Variants in RXYLT1 observed in about 807,000 individuals in gnomAD.
RXYLT1 encodes the protein ribitol-5-phosphate xylosyltransferase 1.
In RXYLT1, 41 loss-of-function variants were observed where a neutral mutation model predicts 43.5. That is an observed-to-expected ratio of 0.94 (90% CI 0.73 to 1.22). The LOEUF (loss-of-function observed/expected upper bound fraction) is 1.22, where lower values mean the gene tolerates loss of function less well. Ranked by LOEUF, RXYLT1 falls within the 50% of genes most tolerant of loss-of-function variation. The pLI, the probability that RXYLT1 is intolerant of heterozygous loss-of-function variation, is 0.00. For synonymous variants in RXYLT1, 166 were observed against 194.4 expected (o/e 0.85, Z 1.21); for missense variants, 514 against 532.0 (o/e 0.97, Z 0.33).
intron 3 of RXYLT1, among the ~76,000 whole-genome samples, chr12:63,797,629 G>C (rs1022519561): frequency 6.6e-6 from 1 of 152,216 alleles, no homozygotes; most frequent in Non-Finnish European, 1.5e-5. Context: ...GGTGGGCCTT[G>C]TATGTACCAC....
rs1898178417 is a variant in RXYLT1 at position 63,802,255 on chromosome 12, T to C, written c.593T>C (p.Val198Ala). The C allele has an allele frequency of 1.2e-6, 2 of 1,614,114 alleles. No individual in the cohort carries two copies. The highest frequency in any genetic ancestry group is 1.7e-6 in the Non-Finnish European group (2 of 1,180,018). ...VQIQKLQHLA[V>A]VLLGNEHCDN... ...ATTCAAAAACTCCAGCATCTTGCTG[T>C]TGTTTTGCTCGGAAATGAACATTGT... Residue 198 changes from valine to alanine, a missense_variant, in exon 4 of 6, where the codon GTT becomes GCT. Transcript: ENST00000261234.
chr12:63,794,208 G>A, intron 3 of RXYLT1, among the ~76,000 whole-genome samples: 1 of 152,258 alleles, frequency 6.6e-6, no homozygotes, highest in South Asian at 2.1e-4. Context: ...TGGAGGTCTA[G>A]CCCTTACTCC....
At chr12:63,807,274 C>T (rs560142060) in intron 5 of RXYLT1, 1 of 152,366 alleles carries the variant, frequency 6.6e-6, no homozygotes, top group Admixed American at 6.5e-5. Context: ...TCCCTAATTC[C>T]CTAATCTGGC....
intron 1 of RXYLT1, 57 bp downstream of exon 1, chr12:63,780,186 G>C (rs1010001646): frequency 5.0e-6 from 7 of 1,401,678 alleles, no homozygotes; most frequent in Non-Finnish European, 6.4e-6. Flanking sequence ...GGGCTGCTGG[G>C]CGGCTGGGGC....
At chr12:63,786,360 T>C (rs142661417) in intron 3 of RXYLT1, among the ~76,000 whole-genome samples, 3 of 152,306 alleles carry the variant, frequency 2.0e-5, no homozygotes, top group African/African-American at 7.2e-5. Context: ...ACAGGCATCC[T>C]CTAGAGATAC....
intron 3 of RXYLT1, among the ~76,000 whole-genome samples, chr12:63,794,513 C>T (rs754986856): frequency 1.2e-4 from 19 of 152,310 alleles, no homozygotes; most frequent in Middle Eastern, 3.4e-3. Context: ...TTAATTTCTC[C>T]TTTCCTCCTT....
In RXYLT1 at chr12:63,802,110, G is replaced by C; in HGVS notation, c.448G>C (p.Val150Leu). 1.2e-6 allele frequency: 2 copies of C among 1,602,824 alleles called. No homozygotes were observed. Among genetic ancestry groups the C allele is most frequent in the Non-Finnish European group, 1.7e-6 (2 of 1,173,988 alleles). ...TQYSFITGPAVIPGYFSVDVN... is the reference protein window; with the variant it reads ...TQYSFITGPALIPGYFSVDVN... The stretch of plus-strand genomic sequence containing the variant: ...TAACAGCTTCATCACTGGTCCAGCT[G>C]TAATACCAGGGTACTTCTCCGTTGA... Residue 150 changes from valine (V) to leucine (L), a missense_variant, in exon 4 of 6, where the codon GTA becomes CTA. Physicochemically the swap from Val to Leu is conservative, Grantham distance 32 (BLOSUM62 1). Coordinates refer to ENST00000261234, the MANE Select transcript of RXYLT1 (RefSeq NM_014254.3).
chr12:63,780,196 C>T (rs1394611273), intron 1 of RXYLT1, 67 bp downstream of exon 1: 2 of 1,395,580 alleles, frequency 1.4e-6, no homozygotes, highest in East Asian at 2.9e-5. Context: ...GCGGCTGGGG[C>T]CGGGTCCCCG....
chr12:63,799,498 G>T (rs891363380), intron 3 of RXYLT1, among the ~76,000 whole-genome samples: 1 of 151,530 alleles, frequency 6.6e-6, no homozygotes, highest in Non-Finnish European at 1.5e-5. Context: ...ACCATATTGT[G>T]TAGGCTGGTC....
Position 63,780,095 on chromosome 12 carries a change from G to C in RXYLT1, c.135G>C (p.Lys45Asn). ...APAGSPRGLR[K>N]GAAPARERRG... ...CCGGGTCCCCGCGGGGCCTCAGGAA[G>C]GGGGCGGCCCCCGCGCGGGAGAGAC... Residue 45 changes from lysine to asparagine, a missense_variant, in exon 1 of 6, where the codon AAG becomes AAC. Physicochemically the swap from Lys to Asn is moderately conservative, Grantham distance 94 (BLOSUM62 0). Coordinates refer to ENST00000261234, the MANE Select transcript of RXYLT1 (RefSeq NM_014254.3). 1.9e-6 allele frequency: 3 copies of C among 1,565,280 alleles called. No homozygotes were observed. Among genetic ancestry groups the C allele is most frequent in the Non-Finnish European group, 2.6e-6 (3 of 1,159,970 alleles).
chr12:63,780,044 C>A lies in RXYLT1; in HGVS notation c.84C>A (p.Phe28Leu), dbSNP rs200123669. ...CCCTCTACGCTGCCTACCACGTCTT[C>A]TTCGGGCGCCGCCGCCAGGCGCCGG... ...LFSLYAAYHV[F>L]FGRRRQAPAG... The change falls in exon 1 of 6, where the codon TTC (phenylalanine) becomes TTA (leucine). Residue 28 changes from phenylalanine to leucine, a missense_variant. Phe to Leu is a conservative substitution (Grantham distance 22). Transcript: ENST00000261234. 8 of 1,607,322 alleles carry A rather than the reference C, an allele frequency of 5.0e-6. No individual in the cohort carries two copies. In the South Asian group the frequency reaches 6.6e-5, roughly 13 times the overall value.
chr12:63,801,589 G>A (rs1352113937), intron 3 of RXYLT1, among the ~76,000 whole-genome samples: 1 of 152,134 alleles, frequency 6.6e-6, no homozygotes, highest in African/African-American at 2.4e-5. Context: ...GGAGACTGAG[G>A]TAGGTGGATT....
At chr12:63,780,516 A>G (rs1897655915) in intron 1 of RXYLT1, 3 of 1,050,266 alleles carry the variant, frequency 2.9e-6, no homozygotes, top group Non-Finnish European at 3.4e-6. Context: ...TCCTGCAGTG[A>G]CCATAAGGCA....
chr12:63,783,214 A>G (rs1193995848), intron 2 of RXYLT1, among the ~76,000 whole-genome samples: 1 of 152,206 alleles, frequency 6.6e-6, no homozygotes, highest in East Asian at 1.9e-4. Context: ...TAATCCCAGC[A>G]CTTTGGGAGG....
intron 1 of RXYLT1, 118 bp downstream of exon 1, chr12:63,780,247 A>G (rs1897647044): frequency 7.2e-7 from 1 of 1,383,726 alleles, no homozygotes; most frequent in South Asian, 1.7e-5. Context: ...AGGGCCTGAG[A>G]AGCGCTTTGC....
rs142783655 is a variant in RXYLT1 at position 63,798,220 on chromosome 12, TTGAG to T, written c.429-3867_429-3864del. ...TTATCTCTTTCCAAGCTCTCAAACATTGAGTGATCTTTCCTGGCTCAAGGTTAAA... is the reference window on the plus strand; with the variant it reads ...TTATCTCTTTCCAAGCTCTCAAACATTGATCTTTCCTGGCTCAAGGTTAAA... On this transcript the variant is annotated intron_variant, in intron 3 of 5. Transcript: ENST00000261234. 3.9e-3 allele frequency among the ~76,000 whole-genome samples: 592 copies of T among 152,280 alleles called. 4 individuals carry two copies. Among genetic ancestry groups the T allele is most frequent in the African/African-American group, 0.014 (567 of 41,566 alleles).
rs1462747060 is a variant in RXYLT1, at chr12:63,808,849, G to A, written c.1089G>A (p.Gly363=). 1 of 1,614,132 alleles carries A rather than the reference G, an allele frequency of 6.2e-7. No individual in the cohort carries two copies. The change falls in exon 6 of 6, where the codon GGG becomes GGA. Residue 363 remains glycine (G), a synonymous_variant. Coordinates refer to ENST00000261234, the MANE Select transcript of RXYLT1 (RefSeq NM_014254.3). ...VEDVMTAGNC[G]NTSVHHGAPL... is the part of the protein sequence containing the mutation. ...ACGTGATGACAGCTGGCAACTGTGG[G>A]AATACATCTGTGCACCACGGTGCTC...
intron 4 of RXYLT1, 103 bp from the exon 5 acceptor site, chr12:63,805,131 T>C (rs563717032): frequency 1.3e-6 from 1 of 792,230 alleles, no homozygotes; most frequent in East Asian, 3.0e-5. Context: ...AAATCACATT[T>C]TAAACCTCTT....
At chr12:63,789,422 C>A (rs890188232) in intron 3 of RXYLT1, among the ~76,000 whole-genome samples, 1 of 152,152 alleles carries the variant, frequency 6.6e-6, no homozygotes, top group African/African-American at 2.4e-5. Flanking sequence ...TCCCACCGGG[C>A]ACCTCCCACA....
Sources: gnomAD v4.1 joint callset for allele counts (sites outside exome capture counted in the v4.1 genomes callset) on GRCh38, gnomAD v4.1.1 for gene constraint, MANE v1.5 for transcripts, NCBI Gene and HGNC (gene_info 2026-07-23, HGNC 2026-07-21) for gene names.